GPM6A: variants seen among roughly 807,000 people sequenced by gnomAD.
GPM6A encodes the protein neuronal membrane glycoprotein M6-a.
Under a neutral mutation model 32.1 loss-of-function variants are expected in GPM6A, and 7 were observed. The ratio of observed to expected loss-of-function variants is 0.22; its 90% CI spans 0.12 to 0.41. The LOEUF is 0.41. Ranked by LOEUF, GPM6A falls within the 10% of genes least tolerant of loss-of-function variation. The pLI is 1.00. For synonymous variants in GPM6A, 130 were observed against 123.4 expected (o/e 1.05, Z -0.35); for missense variants, 235 against 347.2 (o/e 0.68, Z 2.57).
intron 1 of GPM6A, among the ~76,000 whole-genome samples, chr4:175,766,244 T>A (rs531178100): frequency 5.3e-5 from 8 of 152,332 alleles, no homozygotes; most frequent in African/African-American, 1.9e-4. Context: ...CATAAAATAC[T>A]AAAATTAGGA....
At chr4:175,768,449 C>T (rs1024902641) in intron 1 of GPM6A, among the ~76,000 whole-genome samples, 1 of 151,908 alleles carries the variant, frequency 6.6e-6, no homozygotes, top group South Asian at 2.1e-4. Context: ...AATGACGTAG[C>T]TTGTTGGGGA....
chr4:175,652,786 A>C (rs930519330), intron 3 of GPM6A, among the ~76,000 whole-genome samples: 2 of 152,112 alleles, frequency 1.3e-5, no homozygotes, highest in Non-Finnish European at 2.9e-5. Context: ...TAGATGTATG[A>C]ATTAGTGGAT....
intron 1 of GPM6A, among the ~76,000 whole-genome samples, chr4:175,975,167 C>T (rs75910987): frequency 0.11 from 17,136 of 152,162 alleles, 1,119 homozygotes; most frequent in East Asian, 0.24. Flanking sequence ...TTGCACTTTG[C>T]CTGTATACAG....
intron 1 of GPM6A, among the ~76,000 whole-genome samples, chr4:175,740,583 G>C (rs1254490079): frequency 6.6e-6 from 1 of 151,852 alleles, no homozygotes; most frequent in Non-Finnish European, 1.5e-5. Context: ...TCTTAATAGT[G>C]ATACATTTTG....
intron 1 of GPM6A, among the ~76,000 whole-genome samples, chr4:175,719,596 CAATT>C (rs1746012231): frequency 1.3e-5 from 2 of 151,990 alleles, no homozygotes; most frequent in African/African-American, 4.8e-5. Flanking sequence ...GGGTATGTAA[CAATT>C]AATTTGTTAC....
chr4:175,920,523 T>A (rs1037077866), intron 1 of GPM6A, among the ~76,000 whole-genome samples: 6 of 152,182 alleles, frequency 3.9e-5, no homozygotes, highest in Non-Finnish European at 8.8e-5. Context: ...TCAAACTATG[T>A]TCACAGAAAC....
rs577661313 is a variant in GPM6A at position 176,002,278 on chromosome 4, G to A, written c.-23+31C>T. 38 of 1,597,884 alleles carry A rather than the reference G, an allele frequency of 2.4e-5. No homozygotes were observed. The Admixed American group carries it at 4.4e-4, about 19-fold the overall frequency. ...CCCATTCCCGAGGCCGAGCCTTTGG[G>A]CGAGGTGTACGCGCCCGCCCGCGCA... On this transcript the variant is annotated intron_variant, in intron 1 of 7. Coordinates refer to the GPM6A transcript ENST00000280187.
At chr4:175,855,590 G>T (rs975002465) in intron 1 of GPM6A, among the ~76,000 whole-genome samples, 2 of 152,174 alleles carry the variant, frequency 1.3e-5, no homozygotes, top group African/African-American at 4.8e-5. Flanking sequence ...GTTTTCTACT[G>T]GGGTAGAGGA....
chr4:175,661,403 C>T (rs1320147669), intron 3 of GPM6A, among the ~76,000 whole-genome samples: 1 of 148,998 alleles, frequency 6.7e-6, no homozygotes, highest in Non-Finnish European at 1.5e-5. Context: ...CCATTGCACT[C>T]CAGCCTGGAT....
intron 1 of GPM6A, among the ~76,000 whole-genome samples, chr4:175,779,133 T>A (rs1733513371): frequency 6.6e-6 from 1 of 152,180 alleles, no homozygotes; most frequent in Non-Finnish European, 1.5e-5. Context: ...GGCTCCATGC[T>A]TTCTTTATTC....
intron 3 of GPM6A, among the ~76,000 whole-genome samples, chr4:175,669,689 A>G (rs1479121235): frequency 6.6e-6 from 1 of 152,180 alleles, no homozygotes; most frequent in Admixed American, 6.5e-5. Flanking sequence ...GACTGTTATG[A>G]GTTGAATTGT....
intron 1 of GPM6A, among the ~76,000 whole-genome samples, chr4:175,940,616 C>T (rs752061271): frequency 2.0e-5 from 3 of 152,120 alleles, no homozygotes; most frequent in East Asian, 1.9e-4. Context: ...TCTTCTCCCA[C>T]GTCCCCCCGA....
intron 1 of GPM6A, among the ~76,000 whole-genome samples, chr4:175,723,870 A>G: frequency 6.6e-6 from 1 of 152,300 alleles, no homozygotes; most frequent in East Asian, 1.9e-4. Context: ...TTAAAAATGT[A>G]TAATATATTA....
chr4:175,735,125 T>C (rs2111152648), intron 1 of GPM6A, among the ~76,000 whole-genome samples: 1 of 152,318 alleles, frequency 6.6e-6, no homozygotes, highest in African/African-American at 2.4e-5. Context: ...GAGTTTTCCT[T>C]ACTTAGGCCT....
intron 1 of GPM6A, among the ~76,000 whole-genome samples, chr4:175,979,320 G>A (rs1235831364): frequency 1.3e-5 from 2 of 152,114 alleles, no homozygotes; most frequent in Admixed American, 1.3e-4. Flanking sequence ...TTTCCAGGTG[G>A]TATAGGATGA....
intron 1 of GPM6A, among the ~76,000 whole-genome samples, chr4:175,918,366 C>A (rs771146524): frequency 6.6e-6 from 1 of 151,878 alleles, no homozygotes; most frequent in Admixed American, 6.6e-5. Flanking sequence ...GTGGAAGAGG[C>A]TTTAGGAGAA....
At chr4:175,889,426 A>G (rs1011762948) in intron 1 of GPM6A, among the ~76,000 whole-genome samples, 5 of 151,880 alleles carry the variant, frequency 3.3e-5, no homozygotes, top group African/African-American at 1.2e-4. Flanking sequence ...TCTGGAGGCT[A>G]CGGCAGGAGG....
chr4:175,767,973 T>C (rs1032128389), intron 1 of GPM6A, among the ~76,000 whole-genome samples: 2 of 152,184 alleles, frequency 1.3e-5, no homozygotes, highest in Non-Finnish European at 2.9e-5. Flanking sequence ...AGATAACATA[T>C]TTTTCAGAGA....
At chr4:175,681,433 T>A (rs1195913468) in intron 2 of GPM6A, among the ~76,000 whole-genome samples, 1 of 152,206 alleles carries the variant, frequency 6.6e-6, no homozygotes, top group Admixed American at 6.6e-5. Context: ...ACCATAAGAT[T>A]TGTGGTCCTC....
Sources: allele counts gnomAD v4.1 joint callset (sites outside exome capture counted in the v4.1 genomes callset), GRCh38; gene constraint gnomAD v4.1.1; transcripts MANE v1.5; gene names NCBI Gene and HGNC (gene_info 2026-07-23, HGNC 2026-07-21).